The following CHEK1 variants were observed in gnomAD, a reference collection of about 807,000 sequenced individuals.
CHEK1 encodes the protein serine/threonine-protein kinase Chk1.
A neutral mutation model predicts 60.2 loss-of-function variants in CHEK1; 32 were observed. That is an observed-to-expected ratio of 0.53 (90% CI 0.40 to 0.71). The LOEUF (loss-of-function observed/expected upper bound fraction) is 0.71, where lower values mean the gene tolerates loss of function less well. Among genes scored for constraint, CHEK1 ranks in the 30% least tolerant of loss-of-function variants. CHEK1 has a pLI of 0.00. For missense variants in CHEK1, 399 were observed against 564.6 expected (o/e 0.71, Z 2.97); for synonymous variants, 179 against 187.2 (o/e 0.96, Z 0.36).
downstream of CHEK1, among the ~76,000 whole-genome samples, chr11:125,680,309 C>G (rs893136103): frequency 6.6e-6 from 1 of 152,140 alleles, no homozygotes; most frequent in Admixed American, 6.5e-5. Flanking sequence ...TGGCCTATAG[C>G]TCTGTCGTGT....
chr11:125,662,876 C>T (rs976175125), intron 13 of CHEK1, among the ~76,000 whole-genome samples: 2 of 152,198 alleles, frequency 1.3e-5, no homozygotes, highest in African/African-American at 4.8e-5. Context: ...TTCACATCCT[C>T]ATCAATGTTG....
At chr11:125,676,236 A>C (rs1942501019) in exon 14 of CHEK1, 5 of 1,303,002 alleles carry the variant, frequency 3.8e-6, no homozygotes, top group East Asian at 2.3e-5. Context: ...CCTTGAAAAA[A>C]TAAAGTTCTG....
At chr11:125,643,323 C>CAA (rs67970826) in intron 8 of CHEK1, 52,302 of 107,782 alleles carry the variant, frequency 0.49, 13,177 homozygotes, top group Admixed American at 0.56. Context: ...CCTAAAAATA[C>CAA]AAAAAAAAAA....
downstream of CHEK1, chr11:125,676,381 G>A (rs750207747): frequency 1.2e-6 from 2 of 1,614,074 alleles, no homozygotes; most frequent in Admixed American, 3.3e-5. Flanking sequence ...TCTTTAACAT[G>A]CACTGCTGGG....
At chr11:125,643,699 A>G (rs933506705) in intron 8 of CHEK1, 93 bp from the exon 9 acceptor site, 6 of 855,652 alleles carry the variant, frequency 7.0e-6, no homozygotes, top group Admixed American at 2.9e-5. Flanking sequence ...AGATTTAGAC[A>G]TAGTTTTACT....
chr11:125,634,102 A>G (rs545074639), intron 6 of CHEK1, among the ~76,000 whole-genome samples: 3 of 150,772 alleles, frequency 2.0e-5, no homozygotes, highest in South Asian at 2.1e-4. Context: ...GGTTCTAGCA[A>G]TTCTGTCCCA....
chr11:125,675,626 G>C (rs1942466675), intron 13 of CHEK1, among the ~76,000 whole-genome samples: 2 of 152,284 alleles, frequency 1.3e-5, no homozygotes, highest in Middle Eastern at 3.4e-3. Context: ...ACTCAGACTG[G>C]TCTGGTAACC....
chr11:125,626,775 G>A lies in CHEK1; in HGVS notation c.7G>A (p.Val3Met), dbSNP rs2135968566. 6.2e-7 allele frequency: 1 copy of A among 1,614,144 alleles called. No individual in the cohort carries two copies. The highest frequency in any genetic ancestry group is 1.3e-5 in the African/African-American group (1 of 75,026). The part of the protein sequence containing the change: MA[V>M]PFVEDWDLVQ... ...CGAGGTGCTCGGTGGAGTCATGGCA[G>A]TGCCCTTTGTGGAAGACTGGGACTT... Residue 3 changes from valine to methionine, a missense_variant, in exon 2 of 13, where the codon GTG (valine) becomes ATG (methionine). Transcript: ENST00000438015.
rs1311012110 is a variant in CHEK1 at position 125,673,509 on chromosome 11, C to T, written c.*28-2419C>T. 2.0e-5 allele frequency among the ~76,000 whole-genome samples: 3 copies of T among 152,054 alleles called. No homozygotes were observed. In the East Asian group the frequency reaches 5.8e-4, roughly 29 times the overall value. On this transcript the variant is annotated intron_variant, in intron 13 of 13. Coordinates refer to the CHEK1 transcript ENST00000428830. ...AGCCACTGCACCTGGCCTGAAACTA[C>T]ACCCTTTCTTGATACTCTCTGCTTC...
intron 10 of CHEK1, 115 bp from the exon 11 acceptor site, chr11:125,644,397 G>A: frequency 6.9e-7 from 1 of 1,455,324 alleles, no homozygotes; most frequent in Non-Finnish European, 9.3e-7. Flanking sequence ...GGTCAAGGAA[G>A]AAAGAGAGGA....
intron 13 of CHEK1, among the ~76,000 whole-genome samples, chr11:125,671,070 T>C (rs563805428): frequency 6.6e-6 from 1 of 152,194 alleles, no homozygotes; most frequent in South Asian, 2.1e-4. Context: ...TCATACCCAG[T>C]TAATTTTTTA....
intron 12 of CHEK1, among the ~76,000 whole-genome samples, chr11:125,654,067 A>C (rs1429604912): frequency 6.6e-6 from 1 of 151,622 alleles, no homozygotes; most frequent in African/African-American, 2.4e-5. Context: ...GTGGTGGCTC[A>C]TGCCTGTAAT....
intron 12 of CHEK1, 40 bp from the exon 13 acceptor site, chr11:125,655,185 T>C: frequency 6.6e-7 from 1 of 1,511,146 alleles, no homozygotes. Context: ...TGTTTTTGTT[T>C]TTGTTTTGAC....
downstream of CHEK1, chr11:125,676,302 C>T (rs1942503996): frequency 6.3e-7 from 1 of 1,598,914 alleles, no homozygotes; most frequent in Non-Finnish European, 8.6e-7. Context: ...CTGCCCCCTA[C>T]CAGAAGTAAG....
Position 125,640,614 on chromosome 11 carries a change from G to C in CHEK1, c.814+3070G>C, listed in dbSNP as rs962206726. ...AGACGGGATCTCGCTCTGTCGCCCA[G>C]ACTGGAGTGCAGTGGCGTGGTCTCC... On this transcript the variant is annotated intron_variant, in intron 8 of 12. Coordinates refer to ENST00000438015, the MANE Select transcript of CHEK1 (RefSeq NM_001114122.3). Among the ~76,000 whole-genome samples, 49 of 151,870 alleles carry C rather than the reference G, an allele frequency of 3.2e-4. 1 individual carries two copies. Among genetic ancestry groups the C allele is most frequent in the African/African-American group, 1.2e-3 (48 of 41,436 alleles).
chr11:125,631,785 C>T (rs950435112), intron 5 of CHEK1, among the ~76,000 whole-genome samples: 1 of 146,414 alleles, frequency 6.8e-6, no homozygotes, highest in African/African-American at 2.5e-5. Flanking sequence ...TCACTTCAGC[C>T]TAGGAGGTCA....
intron 8 of CHEK1, among the ~76,000 whole-genome samples, chr11:125,640,958 T>C (rs565053927): frequency 3.3e-5 from 5 of 152,252 alleles, no homozygotes; most frequent in African/African-American, 4.8e-5. Flanking sequence ...CTGTTCTGAG[T>C]AGCATAATAA....
At chr11:125,672,378 TGAGA>T (rs1020748865) in intron 13 of CHEK1, 27 of 517,836 alleles carry the variant, frequency 5.2e-5, no homozygotes, top group East Asian at 9.8e-5. Flanking sequence ...TCAGGAATAT[TGAGA>T]GAAAGAGTTG....
At chr11:125,641,083 T>A (rs1941286652) in intron 8 of CHEK1, among the ~76,000 whole-genome samples, 1 of 152,196 alleles carries the variant, frequency 6.6e-6, no homozygotes, top group African/African-American at 2.4e-5. Flanking sequence ...TTTTGGTTAT[T>A]AGATCGAAAG....
Sources: allele counts gnomAD v4.1 joint callset (sites outside exome capture counted in the v4.1 genomes callset), GRCh38; gene constraint gnomAD v4.1.1; transcripts MANE v1.5; gene names NCBI Gene and HGNC (gene_info 2026-07-23, HGNC 2026-07-21).